SNTG1: variants seen among roughly 807,000 people sequenced by gnomAD.
The protein encoded by SNTG1 is syntrophin gamma 1.
A neutral mutation model predicts 74.7 loss-of-function variants in SNTG1; 39 were observed. That is an observed-to-expected ratio of 0.52 (90% confidence interval 0.40 to 0.68). SNTG1 has a LOEUF of 0.68. Among genes scored for constraint, SNTG1 ranks in the 30% least tolerant of loss-of-function variants. SNTG1 has a pLI of 0.00. For missense variants in SNTG1, 685 were observed against 609.5 expected (o/e 1.12, Z -1.30); for synonymous variants, 254 against 217.1 (o/e 1.17, Z -1.49).
At chr8:50,040,254 A>C (rs1818521169) in intron 1 of SNTG1, among the ~76,000 whole-genome samples, 1 of 152,156 alleles carries the variant, frequency 6.6e-6, no homozygotes, top group South Asian at 2.1e-4. Flanking sequence ...AAATATTTGC[A>C]CCACACACTA....
intron 1 of SNTG1, among the ~76,000 whole-genome samples, chr8:50,138,324 A>G (rs919214460): frequency 6.6e-6 from 1 of 151,948 alleles, no homozygotes; most frequent in African/African-American, 2.4e-5. Context: ...AACCTTAATA[A>G]TAAGAGTTCT....
At chr8:50,153,038 A>G (rs1236801126) in intron 1 of SNTG1, among the ~76,000 whole-genome samples, 1 of 152,222 alleles carries the variant, frequency 6.6e-6, no homozygotes, top group Non-Finnish European at 1.5e-5. Flanking sequence ...ACTTTCAGGT[A>G]CACCAATCAG....
intron 11 of SNTG1, among the ~76,000 whole-genome samples, chr8:50,540,309 T>A (rs2094337259): frequency 6.6e-6 from 1 of 152,212 alleles, no homozygotes; most frequent in South Asian, 2.1e-4. Flanking sequence ...TTTCAAAATA[T>A]TTTGGGATTT....
intron 2 of SNTG1, among the ~76,000 whole-genome samples, chr8:50,353,336 A>C (rs2091724999): frequency 6.6e-6 from 1 of 152,044 alleles, no homozygotes; most frequent in Non-Finnish European, 1.5e-5. Flanking sequence ...GCACACCAAC[A>C]TGGCGCATGT....
chr8:50,478,172 G>C (rs534762295), intron 8 of SNTG1, among the ~76,000 whole-genome samples: 74 of 152,258 alleles, frequency 4.9e-4, no homozygotes, highest in African/African-American at 1.6e-3. Context: ...GGAACCTCCA[G>C]ACAGCAGCCC....
intron 18 of SNTG1, among the ~76,000 whole-genome samples, chr8:50,790,278 G>A (rs1458478778): frequency 6.6e-6 from 1 of 151,862 alleles, no homozygotes; most frequent in African/African-American, 2.4e-5. Context: ...TTTATTCACT[G>A]CTATCTTTTA....
At position 50,598,071 on chromosome 8, in the gene SNTG1, G is replaced by T. The variant is rs559937786; in HGVS notation, c.849+7154G>T. 4.5e-3 allele frequency among the ~76,000 whole-genome samples: 675 copies of T among 150,542 alleles called. 3 individuals carry two copies. The highest frequency in any genetic ancestry group is 7.4e-3 in the Non-Finnish European group (497 of 67,460). ...TTTGTTTTTTGTTTTTTTTTAGTTT[G>T]ATGCAATCCCATTTGTCTATTTTTG... On this transcript the variant is annotated intron_variant, in intron 13 of 18. Transcript: ENST00000642720.
At chr8:50,787,105 C>A (rs1210742689) in intron 18 of SNTG1, among the ~76,000 whole-genome samples, 2 of 150,906 alleles carry the variant, frequency 1.3e-5, no homozygotes, top group South Asian at 4.2e-4. Context: ...AGACTGTATG[C>A]AAATATATAA....
Position 50,792,729 on chromosome 8 carries a change from C to T in SNTG1, c.1454C>T (p.Ala485Val), listed in dbSNP as rs777595930. ...VLHCIHSFFA[A>V]KVACLDPLFL... ...CACTGCATTCATTCCTTCTTTGCTG[C>T]CAAGGTAGCTTGTTTGGACCCTCTA... The change falls in exon 19 of 19, where the codon GCC (alanine) becomes GTC (valine). Residue 485 changes from alanine (A) to valine (V), a missense_variant. Ala to Val is a moderately conservative substitution (Grantham distance 64). Transcript: ENST00000642720. The T allele has an allele frequency of 3.0e-5, 49 of 1,612,394 alleles. No individual in the cohort carries two copies. The highest frequency in any genetic ancestry group is 1.6e-4 in the South Asian group (15 of 91,022).
chr8:50,052,186 T>C (rs1819634172), intron 1 of SNTG1, among the ~76,000 whole-genome samples: 1 of 152,062 alleles, frequency 6.6e-6, no homozygotes, highest in African/African-American at 2.4e-5. Context: ...TCAGATAATA[T>C]AATATAATCT....
chr8:50,701,586 CTCTTCTTCTTCTTCT>C (rs5891382), intron 15 of SNTG1, among the ~76,000 whole-genome samples: 12 of 145,206 alleles, frequency 8.3e-5, no homozygotes, highest in Non-Finnish European at 1.6e-4. Context: ...CTTTTTCTTC[CTCTTCTTCTTCTTCT>C]TCTTCTTCTT....
At chr8:50,597,573 A>G (rs914026498) in intron 13 of SNTG1, among the ~76,000 whole-genome samples, 1 of 151,818 alleles carries the variant, frequency 6.6e-6, no homozygotes, top group Non-Finnish European at 1.5e-5. Context: ...GTGTATACTC[A>G]GTAATGGATT....
intron 2 of SNTG1, among the ~76,000 whole-genome samples, chr8:50,375,614 G>T (rs745882957): frequency 6.6e-6 from 1 of 152,052 alleles, no homozygotes; most frequent in South Asian, 2.1e-4. Flanking sequence ...GCTTGTTTGG[G>T]GATATTATTC....
chr8:50,067,769 T>A (rs1453420866), intron 1 of SNTG1, among the ~76,000 whole-genome samples: 1 of 152,112 alleles, frequency 6.6e-6, no homozygotes, highest in Admixed American at 6.6e-5. Flanking sequence ...GCTTCCAGAT[T>A]CATGGATTGC....
chr8:50,263,780 G>A (rs1305345197), intron 2 of SNTG1, among the ~76,000 whole-genome samples: 1 of 152,144 alleles, frequency 6.6e-6, no homozygotes, highest in Non-Finnish European at 1.5e-5. Flanking sequence ...TACAGGTAGA[G>A]CAAGCAGAAA....
chr8:49,994,971 A>G (rs1165934357), intron 1 of SNTG1, among the ~76,000 whole-genome samples: 1 of 151,344 alleles, frequency 6.6e-6, no homozygotes, highest in East Asian at 2.0e-4. Flanking sequence ...AGGTGTAGTA[A>G]TTGCATAGCC....
intron 15 of SNTG1, among the ~76,000 whole-genome samples, chr8:50,673,924 A>G (rs551293982): frequency 6.6e-6 from 1 of 152,224 alleles, no homozygotes; most frequent in African/African-American, 2.4e-5. Context: ...CTCTGCATCT[A>G]TTGAGATTAT....
chr8:50,628,303 G>A (rs571735799), intron 13 of SNTG1, among the ~76,000 whole-genome samples: 42 of 151,872 alleles, frequency 2.8e-4, no homozygotes, highest in African/African-American at 8.5e-4. Flanking sequence ...TTTAAGCCTC[G>A]GAATTGATTT....
chr8:50,187,986 C>A (rs546110845), intron 2 of SNTG1, among the ~76,000 whole-genome samples: 2 of 152,158 alleles, frequency 1.3e-5, no homozygotes, highest in Admixed American at 6.6e-5. Context: ...TATTATCCAT[C>A]ACTGCCACCT....
Sources: gnomAD v4.1 joint callset for allele counts (sites outside exome capture counted in the v4.1 genomes callset) on GRCh38, gnomAD v4.1.1 for gene constraint, MANE v1.5 for transcripts, NCBI Gene and HGNC (gene_info 2026-07-23, HGNC 2026-07-21) for gene names.